The following C12orf56 variants were observed in gnomAD, a reference collection of about 807,000 sequenced individuals.
C12orf56 encodes chromosome 12 open reading frame 56.
In C12orf56, 71 loss-of-function variants were observed where a neutral mutation model predicts 69.9. The observed-to-expected ratio is 1.02, with a 90% CI of 0.84 to 1.24. C12orf56 has a LOEUF of 1.24. Ranked by LOEUF, C12orf56 falls within the 50% of genes most tolerant of loss-of-function variation. The pLI is 0.00. For synonymous variants in C12orf56, 276 were observed against 274.1 expected (o/e 1.01, Z -0.07); for missense variants, 732 against 738.5 (o/e 0.99, Z 0.10).
At chr12:64,342,904 A>G (rs2039093281) in intron 2 of C12orf56, among the ~76,000 whole-genome samples, 3 of 152,228 alleles carry the variant, frequency 2.0e-5, no homozygotes, top group African/African-American at 7.2e-5. Context: ...TGACAGCTCA[A>G]GCACCATTGG....
intron 1 of C12orf56, among the ~76,000 whole-genome samples, chr12:64,376,136 C>G (rs1453596727): frequency 6.6e-6 from 1 of 152,188 alleles, no homozygotes; most frequent in Non-Finnish European, 1.5e-5. Context: ...ACAACAATGT[C>G]CGACTGCGCA....
At chr12:64,276,341 A>C (rs750055368) in intron 9 of C12orf56, among the ~76,000 whole-genome samples, 16 of 152,192 alleles carry the variant, frequency 1.1e-4, no homozygotes, top group Non-Finnish European at 2.1e-4. Flanking sequence ...CTATGAAAGA[A>C]ATGTACAGGA....
chr12:64,303,085 C>T (rs934838158), intron 6 of C12orf56, among the ~76,000 whole-genome samples: 15 of 151,906 alleles, frequency 9.9e-5, no homozygotes, highest in Admixed American at 6.6e-4. Flanking sequence ...CCAACCTGGC[C>T]GACATGGTGA....
chr12:64,299,399 T>G (rs1246918266), intron 6 of C12orf56, among the ~76,000 whole-genome samples: 1 of 152,116 alleles, frequency 6.6e-6, no homozygotes, highest in East Asian at 1.9e-4. Flanking sequence ...GGCCTTTCAT[T>G]TTTGATAACT....
intron 2 of C12orf56, among the ~76,000 whole-genome samples, chr12:64,333,682 A>G (rs2038959486): frequency 6.6e-6 from 1 of 151,798 alleles, no homozygotes; most frequent in Admixed American, 6.6e-5. Context: ...TTGTATTTTT[A>G]GTAGAGACGG....
chr12:64,321,148 G>T (rs547738080), intron 3 of C12orf56, among the ~76,000 whole-genome samples: 1 of 152,240 alleles, frequency 6.6e-6, no homozygotes, highest in South Asian at 2.1e-4. Context: ...ATCTCATAAG[G>T]TTTATGTGAG....
chr12:64,269,202 G>GT (rs2037951689), intron 12 of C12orf56, among the ~76,000 whole-genome samples: 1 of 151,698 alleles, frequency 6.6e-6, no homozygotes, highest in South Asian at 2.1e-4. Flanking sequence ...ATCTAAGGCT[G>GT]TAATTTATGT....
chr12:64,346,238 C>A (rs1428437824), intron 2 of C12orf56, among the ~76,000 whole-genome samples: 1 of 152,102 alleles, frequency 6.6e-6, no homozygotes, highest in African/African-American at 2.4e-5. Context: ...ACTGAAGAAC[C>A]TGGAGCCCGA....
At chr12:64,311,500 C>T (rs1226875457) in intron 5 of C12orf56, among the ~76,000 whole-genome samples, 3 of 151,382 alleles carry the variant, frequency 2.0e-5, no homozygotes, top group Non-Finnish European at 4.4e-5. Flanking sequence ...TCTGGAGTGT[C>T]AAGAAAGATT....
intron 10 of C12orf56, 34 bp from the exon 11 acceptor site, chr12:64,275,009 C>A (rs1169030409): frequency 2.0e-6 from 3 of 1,531,440 alleles, no homozygotes; most frequent in South Asian, 2.2e-5. Context: ...AAGTTATATT[C>A]ATAAAGTTCA....
chr12:64,348,062 T>G (rs1322712905), intron 2 of C12orf56, among the ~76,000 whole-genome samples: 1 of 152,142 alleles, frequency 6.6e-6, no homozygotes, highest in Non-Finnish European at 1.5e-5. Flanking sequence ...GCAGATCACC[T>G]GAAGACAGGG....
chr12:64,365,463 C>G (rs1024818904), intron 1 of C12orf56, among the ~76,000 whole-genome samples: 1 of 151,618 alleles, frequency 6.6e-6, no homozygotes, highest in African/African-American at 2.4e-5. Context: ...CCACGCCCGG[C>G]CGCTATTCCC....
chr12:64,386,399 T>TATATATATA (rs1555196189), intron 1 of C12orf56, among the ~76,000 whole-genome samples: 856 of 81,358 alleles, frequency 0.011, 12 homozygotes, highest in African/African-American at 0.029. Context: ...TATATATATA[T>TATATATATA]TTTTTTTTTT....
At chr12:64,302,398 A>C (rs1030012812) in intron 6 of C12orf56, among the ~76,000 whole-genome samples, 1 of 152,136 alleles carries the variant, frequency 6.6e-6, no homozygotes, top group African/African-American at 2.4e-5. Context: ...TCCCAGGAAA[A>C]CTGGAATAGT....
At chr12:64,320,030 T>A in intron 3 of C12orf56, among the ~76,000 whole-genome samples, 1 of 152,318 alleles carries the variant, frequency 6.6e-6, no homozygotes, top group East Asian at 1.9e-4. Flanking sequence ...CGGCAGGGTG[T>A]CCGCTGTGCT....
At chr12:64,272,123 G>A (rs1051863902) in intron 11 of C12orf56, among the ~76,000 whole-genome samples, 1 of 152,274 alleles carries the variant, frequency 6.6e-6, no homozygotes, top group Admixed American at 6.5e-5. Flanking sequence ...TTAGGAGGCT[G>A]AGGCAGGAGG....
intron 6 of C12orf56, among the ~76,000 whole-genome samples, chr12:64,301,326 TGAA>T (rs2038443016): frequency 1.3e-5 from 2 of 151,978 alleles, no homozygotes; most frequent in African/African-American, 2.4e-5. Context: ...GACAAGATAA[TGAA>T]GGAATTCTTA....
At position 64,352,689 on chromosome 12, in the gene C12orf56, C is replaced by G. The variant is rs573206121; in HGVS notation, c.415+205G>C. ...AGGTGAGAGCCAGTTGGCCAGACCC[C>G]TTTTTTTCACTGAGAGCTTTCTTTT... On this transcript the variant is annotated intron_variant, in intron 2 of 12. Transcript: ENST00000543942. Among the ~76,000 whole-genome samples, 4 of 152,240 alleles carry G rather than the reference C, an allele frequency of 2.6e-5. No homozygotes were observed. In the South Asian group the frequency reaches 8.3e-4, roughly 32 times the overall value.
chr12:64,352,109 T>TGTTTTTG (rs1565770160), intron 2 of C12orf56, among the ~76,000 whole-genome samples: 1 of 115,506 alleles, frequency 8.7e-6, no homozygotes, highest in African/African-American at 3.2e-5. Flanking sequence ...GTTTTTTTTT[T>TGTTTTTG]TTTTTTGTTT....
Sources: gnomAD v4.1 joint callset for allele counts (sites outside exome capture counted in the v4.1 genomes callset) on GRCh38, gnomAD v4.1.1 for gene constraint, MANE v1.5 for transcripts, NCBI Gene and HGNC (gene_info 2026-07-23, HGNC 2026-07-21) for gene names.